UGT2A1: variants seen among roughly 807,000 people sequenced by gnomAD.
UGT2A1 encodes the protein UDP-glucuronosyltransferase 2A1.
Under a neutral mutation model 45.4 loss-of-function variants are expected in UGT2A1, and 61 were observed. The ratio of observed to expected loss-of-function variants is 1.34; its 90% CI spans 1.09 to 1.66. The LOEUF is 1.66. Among genes scored for constraint, UGT2A1 ranks in the 40% most tolerant of loss-of-function variants. UGT2A1 has a pLI of 0.00. For missense variants in UGT2A1, 649 were observed against 574.3 expected, an observed-to-expected ratio of 1.13 and a Z score of -1.33; for synonymous variants, 229 against 196.2, an observed-to-expected ratio of 1.17 and a Z score of -1.40.
intron 2 of UGT2A1, among the ~76,000 whole-genome samples, chr4:69,636,651 T>A (rs1471787095): frequency 6.6e-6 from 1 of 152,162 alleles, no homozygotes; most frequent in Non-Finnish European, 1.5e-5. Context: ...AAACCATTTA[T>A]TTTTTGTAGA....
At chr4:69,595,723 T>A (rs922732826) in intron 4 of UGT2A1, among the ~76,000 whole-genome samples, 2 of 152,228 alleles carry the variant, frequency 1.3e-5, no homozygotes, top group African/African-American at 4.8e-5. Flanking sequence ...TGTTGGACTA[T>A]AATATTTGAA....
chr4:69,598,593 C>T (rs1294712490), intron 4 of UGT2A1, among the ~76,000 whole-genome samples: 2 of 152,080 alleles, frequency 1.3e-5, no homozygotes, highest in Non-Finnish European at 2.9e-5. Flanking sequence ...TCTAATGCTT[C>T]CTGCTTGAAT....
intron 3 of UGT2A1, among the ~76,000 whole-genome samples, chr4:69,608,618 AGGAAGGAG>A (rs1006604323): frequency 6.6e-6 from 1 of 152,118 alleles, no homozygotes; most frequent in African/African-American, 2.4e-5. Flanking sequence ...TCAGGGAAGA[AGGAAGGAG>A]GGAAAAAATG....
At chr4:69,598,954 G>A (rs1014896083) in intron 4 of UGT2A1, among the ~76,000 whole-genome samples, 3 of 152,040 alleles carry the variant, frequency 2.0e-5, no homozygotes, top group South Asian at 2.1e-4. Flanking sequence ...AGTATCCTTC[G>A]TAATTTCTAT....
chr4:69,650,474 ATATT>A (rs1269856040), intron 1 of UGT2A1, among the ~76,000 whole-genome samples: 1 of 152,096 alleles, frequency 6.6e-6, no homozygotes, highest in Non-Finnish European at 1.5e-5. Flanking sequence ...ATGCTGCTTA[ATATT>A]TATTAGACTC....
At chr4:69,627,480 GC>G (rs1721131645) in intron 3 of UGT2A1, among the ~76,000 whole-genome samples, 2 of 147,514 alleles carry the variant, frequency 1.4e-5, no homozygotes, top group Non-Finnish European at 3.0e-5. Context: ...AGGCAGGCAG[GC>G]AGGCAGGCAT....
At chr4:69,633,836 T>G (rs1375415289) in intron 3 of UGT2A1, among the ~76,000 whole-genome samples, 1 of 152,126 alleles carries the variant, frequency 6.6e-6, no homozygotes, top group African/African-American at 2.4e-5. Flanking sequence ...AGTTATGGAT[T>G]GCATTCATGT....
At chr4:69,607,868 A>T (rs1333157523) in intron 3 of UGT2A1, among the ~76,000 whole-genome samples, 1 of 152,206 alleles carries the variant, frequency 6.6e-6, no homozygotes, top group Non-Finnish European at 1.5e-5. Context: ...AACCACAATG[A>T]GATACCATCT....
At position 69,647,318 on chromosome 4, in the gene UGT2A1, C is replaced by T. The variant is rs2109980005; in HGVS notation, c.327G>A (p.Gln109=). Residue 109 remains glutamine (Q), a synonymous_variant, in exon 2 of 7, where the codon CAG becomes CAA. Transcript: ENST00000286604. The stretch of plus-strand genomic sequence containing the variant: ...AGTCCTTGATTACTTTGGCCATCTC[C>T]TGATAGAATCTCCAAATGGTTGAAG... ...PSPSTIWRFY[Q]EMAKVIKDFH... 1 of 1,613,336 alleles carries T rather than the reference C, an allele frequency of 6.2e-7. No individual in the cohort carries two copies. The highest frequency in any genetic ancestry group is 8.5e-7 in the Non-Finnish European group (1 of 1,179,514).
At chr4:69,625,889 A>T (rs927360212) in intron 3 of UGT2A1, among the ~76,000 whole-genome samples, 1 of 151,538 alleles carries the variant, frequency 6.6e-6, no homozygotes, top group Non-Finnish European at 1.5e-5. Flanking sequence ...TAACCCAGAT[A>T]CAAGTATAAA....
chr4:69,620,445 G>T (rs764011720), intron 3 of UGT2A1, among the ~76,000 whole-genome samples: 1 of 151,828 alleles, frequency 6.6e-6, no homozygotes, highest in Non-Finnish European at 1.5e-5. Context: ...TCTCTACAAT[G>T]AAAATTACAA....
chr4:69,616,667 T>C (rs116536093), intron 3 of UGT2A1, among the ~76,000 whole-genome samples: 1,996 of 151,922 alleles, frequency 0.013, 38 homozygotes, highest in African/African-American at 0.046. Flanking sequence ...CCAGAAAAAA[T>C]TGATAATTTT....
intron 3 of UGT2A1, among the ~76,000 whole-genome samples, chr4:69,621,534 CA>C (rs951152605): frequency 7.2e-5 from 11 of 151,730 alleles, no homozygotes; most frequent in Non-Finnish European, 1.0e-4. Flanking sequence ...GAAAAGGAAA[CA>C]GCTATAAATG....
chr4:69,639,772 T>C (rs1721952393), intron 2 of UGT2A1: 10 of 881,676 alleles, frequency 1.1e-5, no homozygotes, highest in Non-Finnish European at 1.4e-5. Context: ...AAAAGGTAAA[T>C]AATATAATTC....
At chr4:69,630,737 T>C (rs2109954728) in intron 3 of UGT2A1, among the ~76,000 whole-genome samples, 1 of 152,286 alleles carries the variant, frequency 6.6e-6, no homozygotes, top group East Asian at 1.9e-4. Flanking sequence ...TGTTTTATTA[T>C]GTTAGCGAAC....
chr4:69,652,282 CT>C (rs10649712), intron 1 of UGT2A1, among the ~76,000 whole-genome samples: 142 of 119,970 alleles, frequency 1.2e-3, no homozygotes, highest in Middle Eastern at 5.3e-3. Context: ...ACTTTATGTC[CT>C]TTTTTTTTTT....
rs758027786 is a variant in UGT2A1 at position 69,593,981 on chromosome 4, G to GT, written c.1304+495dup. ...ATATTTGAAGTCTTTTTTTTTGTTT[G>GT]TTTTTTTTTTTGAGACTGAGTCTTG... On this transcript the variant is annotated intron_variant, in intron 6 of 6. Coordinates refer to ENST00000286604, the MANE Select transcript of UGT2A1 (RefSeq NM_001252275.3). 3.3e-4 allele frequency among the ~76,000 whole-genome samples: 45 copies of GT among 134,744 alleles called. 1 individual carries two copies. The highest frequency in any genetic ancestry group is 1.2e-3 in the East Asian group (5 of 4,292). 88.4% of individuals were successfully genotyped at this position (134,744 alleles called of 152,430 possible). A position where few individuals can be genotyped will look rare whatever the true frequency, so the allele number is the denominator to read the frequency against.
chr4:69,631,124 G>T (rs1721359287), intron 3 of UGT2A1, among the ~76,000 whole-genome samples: 1 of 151,938 alleles, frequency 6.6e-6, no homozygotes, highest in Admixed American at 6.6e-5. Context: ...AATATCAAAT[G>T]CTTTATTTTT....
intron 2 of UGT2A1, among the ~76,000 whole-genome samples, chr4:69,640,303 A>AT (rs5859194): frequency 0.81 from 123,388 of 151,818 alleles, 50,297 homozygotes; most frequent in South Asian, 0.86. Context: ...ATGAGAGGTG[A>AT]GACATTAATT....
Sources: gnomAD v4.1 joint callset for allele counts (sites outside exome capture counted in the v4.1 genomes callset) on GRCh38, gnomAD v4.1.1 for gene constraint, MANE v1.5 for transcripts, NCBI Gene and HGNC (gene_info 2026-07-23, HGNC 2026-07-21) for gene names.